The following EIF5B variants were observed in gnomAD, a reference collection of about 807,000 sequenced individuals.
EIF5B encodes eukaryotic translation initiation factor 5B.
Under a neutral mutation model 147.5 loss-of-function variants are expected in EIF5B, and 47 were observed. The ratio of observed to expected loss-of-function variants is 0.32; its 90% CI spans 0.25 to 0.41. The LOEUF (loss-of-function observed/expected upper bound fraction) is 0.41, where lower values mean the gene tolerates loss of function less well. Among genes scored for constraint, EIF5B ranks in the 10% least tolerant of loss-of-function variants. The pLI, the probability that EIF5B is intolerant of heterozygous loss-of-function variation, is 1.00. For missense variants in EIF5B, 1,064 were observed against 1,413.2 expected (o/e 0.75, Z 3.96); for synonymous variants, 455 against 456.2 (o/e 1.00, Z 0.03).
rs534207142 is a variant in EIF5B at position 99,361,760 on chromosome 2, G to A, written c.859G>A (p.Val287Ile). Reference sequence around the variant, plus strand: ...AGAAACTGTAAAATCCAAAGTGACTGTTGATACTGGAGTAATTCCTGCCTC... The same window carrying A: ...AGAAACTGTAAAATCCAAAGTGACTATTGATACTGGAGTAATTCCTGCCTC... ...EEETVKSKVTVDTGVIPASEE... is the reference protein window; with the variant it reads ...EEETVKSKVTIDTGVIPASEE... The change falls in exon 4 of 24, where the codon GTT becomes ATT. Residue 287 changes from valine to isoleucine, a missense_variant. By Grantham distance (29) the Val-to-Ile change is conservative (BLOSUM62 3). This residue lies in a region of EIF5B where 458 missense variants were observed against 451.3 expected (regional missense o/e 1.01). Coordinates refer to ENST00000289371, the MANE Select transcript of EIF5B (RefSeq NM_015904.4). 7.6e-6 allele frequency: 12 copies of A among 1,583,648 alleles called. No homozygotes were observed. Among genetic ancestry groups the A allele is most frequent in the African/African-American group, 1.4e-5 (1 of 72,734 alleles).
chr2:99,386,512 T>G (rs1574938574), intron 14 of EIF5B, among the ~76,000 whole-genome samples: 1 of 150,182 alleles, frequency 6.7e-6, no homozygotes, highest in African/African-American at 2.4e-5. Flanking sequence ...TGTTGGAGAC[T>G]GTCTCTTGCT....
At chr2:99,346,378 ATAAAACTTTT>A (rs1450468777) in intron 1 of EIF5B, among the ~76,000 whole-genome samples, 2 of 152,202 alleles carry the variant, frequency 1.3e-5, no homozygotes, top group Non-Finnish European at 2.9e-5. Context: ...GGTTGTCTAC[ATAAAACTTTT>A]TGTTAAAATT....
rs1213450974 is a variant in EIF5B at position 99,360,471 on chromosome 2, T to G, written c.168T>G (p.Asp56Glu). 9.3e-6 allele frequency: 15 copies of G among 1,613,124 alleles called. No homozygotes were observed. The part of the protein sequence containing the change: ...KEKKKQDFDE[D>E]DILKELEELS... The stretch of plus-strand genomic sequence containing the variant: ...TATTTTAATCCTTTTCTAGTGAAGA[T>G]GATATCCTGAAAGAACTGGAAGAAT... Residue 56 changes from aspartate (D) to glutamate (E), a missense_variant, in exon 3 of 24, where the codon GAT (aspartate) becomes GAG (glutamate). By Grantham distance (45) the Asp-to-Glu change is conservative. Transcript: ENST00000289371.
chr2:99,365,988 CAGAG>C (rs1316290422), intron 6 of EIF5B, among the ~76,000 whole-genome samples: 1 of 152,158 alleles, frequency 6.6e-6, no homozygotes, highest in Non-Finnish European at 1.5e-5. Flanking sequence ...AATGTACTCT[CAGAG>C]AGTGTAGGCA....
At chr2:99,340,107 A>G (rs1453541711) in intron 1 of EIF5B, among the ~76,000 whole-genome samples, 1 of 152,166 alleles carries the variant, frequency 6.6e-6, no homozygotes, top group Non-Finnish European at 1.5e-5. Flanking sequence ...TGTTTAAGAA[A>G]TCCTGAGCTT....
At chr2:99,392,914 A>G (rs1674966575) in intron 17 of EIF5B, 53 bp from the exon 18 acceptor site, 3 of 1,340,726 alleles carry the variant, frequency 2.2e-6, no homozygotes, top group Admixed American at 3.0e-5. Flanking sequence ...ATCATCTTCT[A>G]CTGCTAACCA....
intron 13 of EIF5B, 26 bp downstream of exon 13, chr2:99,382,252 A>T (rs1305632418): frequency 6.3e-7 from 1 of 1,594,906 alleles, no homozygotes; most frequent in African/African-American, 1.3e-5. Flanking sequence ...GTCTTTTCTC[A>T]TCAAGCAATC....
At chr2:99,375,923 A>G (rs1674556380) in intron 9 of EIF5B, among the ~76,000 whole-genome samples, 1 of 152,224 alleles carries the variant, frequency 6.6e-6, no homozygotes, top group African/African-American at 2.4e-5. Context: ...TTCCGATTTC[A>G]GATGCAAATA....
chr2:99,386,591 G>A (rs914799573), intron 14 of EIF5B, among the ~76,000 whole-genome samples: 5 of 148,438 alleles, frequency 3.4e-5, no homozygotes, highest in Non-Finnish European at 6.0e-5. Flanking sequence ...GCAGTGTGGC[G>A]CACTCTTGGT....
chr2:99,360,174 A>C (rs879846696), intron 1 of EIF5B, 62 bp from the exon 2 acceptor site: 5 of 1,536,088 alleles, frequency 3.3e-6, no homozygotes, highest in Non-Finnish European at 4.4e-6. Context: ...GATAAAATCT[A>C]TATAAATGAA....
intron 14 of EIF5B, among the ~76,000 whole-genome samples, chr2:99,386,027 G>A (rs7587419): frequency 0.62 from 94,095 of 152,158 alleles, 29,888 homozygotes; most frequent in African/African-American, 0.75. Flanking sequence ...ATTATGCTTT[G>A]TTCATGTTGT....
intron 16 of EIF5B, 53 bp from the exon 17 acceptor site, chr2:99,390,491 A>G (rs1435029935): frequency 2.5e-6 from 4 of 1,585,668 alleles, no homozygotes; most frequent in Non-Finnish European, 3.4e-6. Context: ...TTTAGATTTA[A>G]TGAACATGGT....
At chr2:99,363,236 G>A (rs1255440660) in intron 4 of EIF5B, among the ~76,000 whole-genome samples, 3 of 152,124 alleles carry the variant, frequency 2.0e-5, no homozygotes, top group Non-Finnish European at 4.4e-5. Flanking sequence ...CCATCTTGTA[G>A]AAGTGAAATT....
chr2:99,347,036 C>T (rs964439282), intron 1 of EIF5B, among the ~76,000 whole-genome samples: 7 of 152,028 alleles, frequency 4.6e-5, no homozygotes, highest in African/African-American at 1.7e-4. Flanking sequence ...GACAGAATCC[C>T]ACCCTGTCGC....
intron 10 of EIF5B, among the ~76,000 whole-genome samples, chr2:99,378,334 T>C (rs1286654184): frequency 6.6e-6 from 1 of 152,230 alleles, no homozygotes; most frequent in African/African-American, 2.4e-5. Flanking sequence ...AAAGAAAACC[T>C]ATTGCTGGCA....
Position 99,344,737 on chromosome 2 carries a change from G to A in EIF5B, c.35+7148G>A, listed in dbSNP as rs757290960. Among the ~76,000 whole-genome samples, 5 of 152,136 alleles carry A rather than the reference G, an allele frequency of 3.3e-5. No homozygotes were observed. The East Asian group carries it at 5.8e-4, about 18-fold the overall frequency. On this transcript the variant is annotated intron_variant, in intron 1 of 23. Coordinates refer to ENST00000289371, the MANE Select transcript of EIF5B (RefSeq NM_015904.4). ...TAGATGTGAGCCACTGCATCCAGCC[G>A]GCACCACAGTTTTGATTACTGTGGT...
At chr2:99,398,255 C>T (rs1467608772) in intron 22 of EIF5B, 1 of 152,830 alleles carries the variant, frequency 6.5e-6, no homozygotes, top group Non-Finnish European at 1.5e-5. Context: ...CACTCTTACT[C>T]TCCTGAATCT....
chr2:99,342,703 C>T (rs913920687), intron 1 of EIF5B, among the ~76,000 whole-genome samples: 2 of 152,032 alleles, frequency 1.3e-5, no homozygotes, highest in South Asian at 2.1e-4. Context: ...GTGATCATCG[C>T]TCCCTGTAAC....
At chr2:99,341,771 AC>A (rs2094260116) in intron 1 of EIF5B, among the ~76,000 whole-genome samples, 1 of 152,224 alleles carries the variant, frequency 6.6e-6, no homozygotes, top group Non-Finnish European at 1.5e-5. Context: ...ATGATACATA[AC>A]ATTATTAAAT....
Sources: gnomAD v4.1 joint callset for allele counts (sites outside exome capture counted in the v4.1 genomes callset) on GRCh38, gnomAD v4.1.1 for gene constraint, gnomAD v4.1.1 regional missense constraint, MANE v1.5 for transcripts, NCBI Gene and HGNC (gene_info 2026-07-23, HGNC 2026-07-21) for gene names.